Variants in RALGAPA1 observed in about 807,000 individuals in gnomAD.
RALGAPA1 encodes ral GTPase-activating protein subunit alpha-1.
Under a neutral mutation model 269.6 loss-of-function variants are expected in RALGAPA1, and 52 were observed. The ratio of observed to expected loss-of-function variants is 0.19; its 90% confidence interval spans 0.15 to 0.24. The LOEUF (loss-of-function observed/expected upper bound fraction) is 0.24, where lower values mean the gene tolerates loss of function less well. Ranked by LOEUF, RALGAPA1 falls within the 10% of genes least tolerant of loss-of-function variation. RALGAPA1 has a pLI of 1.00. For missense variants in RALGAPA1, 1,917 were observed against 3,013.9 expected, an observed-to-expected ratio of 0.64 and a Z score of 8.52; for synonymous variants, 817 against 1,008.3, an observed-to-expected ratio of 0.81 and a Z score of 3.60.
At chr14:35,801,244 GACACAC>G (rs201700521) in intron 1 of RALGAPA1, among the ~76,000 whole-genome samples, 3,773 of 135,066 alleles carry the variant, frequency 0.028, 138 homozygotes, top group African/African-American at 0.084. Context: ...TATATACACA[GACACAC>G]ACACACACAC....
At chr14:35,590,193 T>C (rs1331660196) in intron 37 of RALGAPA1, among the ~76,000 whole-genome samples, 1 of 152,182 alleles carries the variant, frequency 6.6e-6, no homozygotes, top group African/African-American at 2.4e-5. Flanking sequence ...TGCCAAAAAA[T>C]TCTGTAACAA....
intron 16 of RALGAPA1, among the ~76,000 whole-genome samples, chr14:35,709,709 A>T (rs1371870084): frequency 1.3e-5 from 2 of 152,040 alleles, no homozygotes; most frequent in Non-Finnish European, 2.9e-5. Flanking sequence ...TTTTCCTCTA[A>T]GCACAGCTTT....
intron 32 of RALGAPA1, 79 bp downstream of exon 32, chr14:35,635,385 T>C (rs2061603903): frequency 7.1e-7 from 1 of 1,398,732 alleles, no homozygotes; most frequent in Admixed American, 2.7e-5. Context: ...AGAATAAAAA[T>C]GTTATACTGA....
At chr14:35,606,448 A>G (rs2059603389) in intron 35 of RALGAPA1, among the ~76,000 whole-genome samples, 1 of 152,312 alleles carries the variant, frequency 6.6e-6, no homozygotes, top group South Asian at 2.1e-4. Flanking sequence ...AAAATAAGGT[A>G]TTATAATCTT....
intron 31 of RALGAPA1, among the ~76,000 whole-genome samples, chr14:35,639,948 A>G (rs2061912298): frequency 6.6e-6 from 1 of 151,976 alleles, no homozygotes; most frequent in African/African-American, 2.4e-5. Context: ...CAAAAGAAAA[A>G]AAAAAAAAAG....
intron 37 of RALGAPA1, among the ~76,000 whole-genome samples, chr14:35,585,633 G>T (rs1302919785): frequency 3.3e-5 from 5 of 152,230 alleles, no homozygotes; most frequent in African/African-American, 9.6e-5. Flanking sequence ...TTTGTATAAG[G>T]TTTAAGGAAG....
chr14:35,580,170 C>T (rs191699176), intron 37 of RALGAPA1, among the ~76,000 whole-genome samples: 21 of 152,152 alleles, frequency 1.4e-4, no homozygotes, highest in Non-Finnish European at 8.8e-5. Flanking sequence ...TTGGGGGGTC[C>T]AGGAAATGAA....
chr14:35,693,320 G>A (rs905369674), intron 17 of RALGAPA1, among the ~76,000 whole-genome samples: 3 of 151,534 alleles, frequency 2.0e-5, no homozygotes, highest in Non-Finnish European at 4.4e-5. Flanking sequence ...TAAAACAAAT[G>A]TTAGTAAATT....
In RALGAPA1 at chr14:35,756,751, T is replaced by C. The variant is rs780318046; in HGVS notation, c.663+42A>G. On this transcript the variant is annotated intron_variant, in intron 7 of 41. Transcript: ENST00000680220. Reference sequence around the variant, plus strand: ...GAGACAGAAAAGGGAATCACCCACATAGGATAGTAAGGAGTGTGATATCAA... The same window carrying C: ...GAGACAGAAAAGGGAATCACCCACACAGGATAGTAAGGAGTGTGATATCAA... The C allele has an allele frequency of 6.7e-6, 9 of 1,333,592 alleles. No homozygotes were observed. The African/African-American group carries it at 1.2e-4, about 17-fold the overall frequency. 82.6% of individuals were successfully genotyped at this position (1,333,592 alleles called of 1,614,324 possible). A position where few individuals can be genotyped will look rare whatever the true frequency, so the allele number is the denominator to read the frequency against.
Position 35,627,203 on chromosome 14 carries a change from G to A in RALGAPA1, c.6744C>T (p.Asp2248=). The A allele has an allele frequency of 6.3e-7, 1 of 1,598,840 alleles. No individual in the cohort carries two copies. The highest frequency in any genetic ancestry group is 8.5e-7 in the Non-Finnish European group (1 of 1,175,984). ...CTTGTTCCACAGCTTTCATGTTTAA[G>A]TCATTAAAGTGCTTCTCAACAAATT... ...EKEFVEKHFN[D]LNMKAVEQDE... is the part of the protein sequence containing the mutation. Residue 2248 remains aspartate, a synonymous_variant, in exon 34 of 42, where the codon GAC becomes GAT. Transcript: ENST00000680220.
At chr14:35,585,167 T>C (rs1214557177) in intron 37 of RALGAPA1, among the ~76,000 whole-genome samples, 2 of 152,122 alleles carry the variant, frequency 1.3e-5, no homozygotes, top group East Asian at 3.8e-4. Flanking sequence ...AGCATCAAAA[T>C]GCATCAAGCA....
chr14:35,729,599 G>C (rs1049603685), intron 12 of RALGAPA1, among the ~76,000 whole-genome samples: 1 of 152,084 alleles, frequency 6.6e-6, no homozygotes, highest in Non-Finnish European at 1.5e-5. Context: ...TAGGAGAATA[G>C]TATTTCAGAA....
chr14:35,577,098 T>C (rs544657216), intron 37 of RALGAPA1, among the ~76,000 whole-genome samples: 1 of 152,332 alleles, frequency 6.6e-6, no homozygotes, highest in African/African-American at 2.4e-5. Context: ...TAGTGATCAC[T>C]ACACTTCATT....
At chr14:35,803,844 G>A (rs990849682) in intron 1 of RALGAPA1, among the ~76,000 whole-genome samples, 1 of 151,260 alleles carries the variant, frequency 6.6e-6, no homozygotes, top group African/African-American at 2.4e-5. Context: ...GGCTGGTCTC[G>A]AACTCCTGAC....
At chr14:35,804,714 G>C (rs2077230358) in intron 1 of RALGAPA1, among the ~76,000 whole-genome samples, 1 of 151,738 alleles carries the variant, frequency 6.6e-6, no homozygotes, top group South Asian at 2.1e-4. Context: ...TGGGAGGATT[G>C]CTTGAGTCCA....
In RALGAPA1 at chr14:35,808,776, G is replaced by C. The variant is rs143085490; in HGVS notation, c.60C>G (p.Thr20=). ...TGAGGCGAGTCAGTGCGTCCTTCTT[G>C]GTGTCTAGCACCTTCTGGGTGGACT... is the stretch of plus-strand genomic sequence containing the variant. ...VKKSTQKVLD[T]KKDALTRLKH... Residue 20 remains threonine (T), a synonymous_variant, in exon 1 of 42, where the codon ACC becomes ACG. Transcript: ENST00000680220. 52 of 1,613,302 alleles carry C rather than the reference G, an allele frequency of 3.2e-5. 1 individual carries two copies. The South Asian group carries it at 3.8e-4, about 12-fold the overall frequency.
At chr14:35,580,912 C>T (rs2057907251) in intron 37 of RALGAPA1, among the ~76,000 whole-genome samples, 1 of 152,066 alleles carries the variant, frequency 6.6e-6, no homozygotes, top group South Asian at 2.1e-4. Context: ...AGCCTTACTT[C>T]CTCCAATATT....
At chr14:35,596,654 C>T (rs1264422434) in intron 36 of RALGAPA1, among the ~76,000 whole-genome samples, 2 of 151,964 alleles carry the variant, frequency 1.3e-5, no homozygotes, top group African/African-American at 4.8e-5. Context: ...ATTTTTGTGC[C>T]ATTACTGTAA....
At chr14:35,541,040 A>ATGTTTTTTTTTTTTTTTT (rs2053923344) in intron 41 of RALGAPA1, among the ~76,000 whole-genome samples, 1 of 89,164 alleles carries the variant, frequency 1.1e-5, no homozygotes, top group Non-Finnish European at 2.0e-5. Flanking sequence ...GAACACTTCA[A>ATGTTTTTTTTTTTTTTTT]TTTTTTTTTT....
Sources: allele counts gnomAD v4.1 joint callset (sites outside exome capture counted in the v4.1 genomes callset), GRCh38; gene constraint gnomAD v4.1.1; transcripts MANE v1.5; gene names NCBI Gene and HGNC (gene_info 2026-07-23, HGNC 2026-07-21).